GBF1: variants seen among roughly 807,000 people sequenced by gnomAD.
GBF1 encodes the protein golgi brefeldin A resistant guanine nucleotide exchange factor 1.
Under a neutral mutation model 210.5 loss-of-function variants are expected in GBF1, and 114 were observed. That is an observed-to-expected ratio of 0.54 (90% CI 0.47 to 0.63). The LOEUF is 0.63. GBF1 is among the 30% of genes least tolerant of loss of function. GBF1 has a pLI of 0.00. For missense variants in GBF1, 1,851 were observed against 2,357.7 expected (o/e 0.79, Z 4.45); for synonymous variants, 850 against 889.2 (o/e 0.96, Z 0.78).
At chr10:102,348,154 C>G (rs567527034) in intron 4 of GBF1, among the ~76,000 whole-genome samples, 1 of 152,272 alleles carries the variant, frequency 6.6e-6, no homozygotes, top group East Asian at 1.9e-4. Context: ...CCAGGCTGGT[C>G]TCGAACTCCT....
intron 26 of GBF1, 73 bp from the exon 27 acceptor site, chr10:102,370,101 C>G: frequency 6.7e-7 from 1 of 1,502,200 alleles, no homozygotes; most frequent in Non-Finnish European, 9.3e-7. Flanking sequence ...CTGCCCTCTC[C>G]CCCTGGCTCT....
chr10:102,287,339 A>ATTTTTTTT (rs1565062394), intron 3 of GBF1, among the ~76,000 whole-genome samples: 1 of 65,210 alleles, frequency 1.5e-5, no homozygotes, highest in Non-Finnish European at 3.0e-5. Flanking sequence ...CTTTTATTTT[A>ATTTTTTTT]TTTTCTTTTT....
chr10:102,351,116 C>A, intron 4 of GBF1, 140 bp from the exon 5 acceptor site: 1 of 529,574 alleles, frequency 1.9e-6, no homozygotes, highest in South Asian at 2.6e-5. Flanking sequence ...CAGTTGTGGG[C>A]AAAAATTCTC....
chr10:102,336,667 G>A (rs958606523), intron 3 of GBF1, among the ~76,000 whole-genome samples: 1 of 152,226 alleles, frequency 6.6e-6, no homozygotes, highest in East Asian at 1.9e-4. Flanking sequence ...GATTTGAATC[G>A]TCCACGAAAG....
chr10:102,311,554 A>G (rs911598253), intron 3 of GBF1, among the ~76,000 whole-genome samples: 3 of 152,266 alleles, frequency 2.0e-5, no homozygotes, highest in African/African-American at 7.2e-5. Flanking sequence ...AAGCAAGGCC[A>G]GGGTGTCTGA....
At chr10:102,353,716 C>T (rs2059135268) in intron 8 of GBF1, 62 bp downstream of exon 8, 3 of 1,197,450 alleles carry the variant, frequency 2.5e-6, no homozygotes, top group Admixed American at 1.7e-5. Flanking sequence ...ACTTCAGTGC[C>T]TTGGGGTAAC....
At chr10:102,334,920 G>T (rs2057622749) in intron 3 of GBF1, among the ~76,000 whole-genome samples, 2 of 151,894 alleles carry the variant, frequency 1.3e-5, no homozygotes, top group African/African-American at 4.8e-5. Flanking sequence ...AAGACAAGAG[G>T]TGTGGGACAT....
At chr10:102,307,529 G>A (rs538760142) in intron 3 of GBF1, among the ~76,000 whole-genome samples, 96 of 151,908 alleles carry the variant, frequency 6.3e-4, no homozygotes, top group Middle Eastern at 3.4e-3. Flanking sequence ...AGTGGCTCAC[G>A]CCTGTAATCC....
chr10:102,267,690 T>G (rs2074005187), intron 3 of GBF1, among the ~76,000 whole-genome samples: 1 of 152,198 alleles, frequency 6.6e-6, no homozygotes, highest in Non-Finnish European at 1.5e-5. Context: ...TTTGTTCCAC[T>G]TGGAATTGAG....
At chr10:102,285,426 T>C (rs535611137) in intron 3 of GBF1, among the ~76,000 whole-genome samples, 8 of 152,328 alleles carry the variant, frequency 5.3e-5, no homozygotes, top group African/African-American at 1.9e-4. Context: ...CTATATAAAC[T>C]GAATTTGGAT....
At chr10:102,326,949 C>G (rs1261102572) in intron 3 of GBF1, among the ~76,000 whole-genome samples, 1 of 152,094 alleles carries the variant, frequency 6.6e-6, no homozygotes, top group East Asian at 1.9e-4. Flanking sequence ...GCCTGACTAC[C>G]CTTTGCTCAA....
intron 3 of GBF1, among the ~76,000 whole-genome samples, chr10:102,293,500 G>A (rs1254877692): frequency 6.6e-6 from 1 of 151,950 alleles, no homozygotes; most frequent in African/African-American, 2.4e-5. Flanking sequence ...AGGTCTTTCA[G>A]GAGGTATTCC....
chr10:102,382,092 G>C lies in GBF1; in HGVS notation c.5339G>C (p.Ser1780Thr), dbSNP rs551877513. The stretch of plus-strand genomic sequence containing the variant: ...CCCGAGAGCCCCCGAGCCGCCAGCA[G>C]CAGCTCCCCAGGATCACCAGTGGCC... ...EKPESPRAAS[S>T]SSPGSPVASS... Residue 1780 changes from serine to threonine, a missense_variant, in exon 40 of 40, where the codon AGC (serine) becomes ACC (threonine). This residue lies in a region of GBF1 where 967 missense variants were observed against 1,247.7 expected (regional missense o/e 0.78). Transcript: ENST00000369983. The C allele has an allele frequency of 1.8e-5, 29 of 1,571,774 alleles. No individual in the cohort carries two copies. The highest frequency in any genetic ancestry group is 2.4e-5 in the Non-Finnish European group (28 of 1,158,806).
At chr10:102,279,651 C>T (rs578100721) in intron 3 of GBF1, among the ~76,000 whole-genome samples, 6 of 152,048 alleles carry the variant, frequency 3.9e-5, no homozygotes, top group Admixed American at 3.9e-4. Context: ...TCCTTTCATT[C>T]CTTTGAAGCA....
chr10:102,356,504 A>G (rs954842743), intron 8 of GBF1, among the ~76,000 whole-genome samples: 4 of 152,162 alleles, frequency 2.6e-5, no homozygotes, highest in Admixed American at 2.0e-4. Flanking sequence ...AGTGGCTCAC[A>G]CCTGTAATCC....
intron 36 of GBF1, 113 bp downstream of exon 36, chr10:102,380,067 C>A: frequency 2.6e-6 from 2 of 773,576 alleles, no homozygotes; most frequent in Non-Finnish European, 4.5e-6. Flanking sequence ...TCACAACCCC[C>A]CAGCTATGGA....
chr10:102,376,480 G>A, intron 31 of GBF1, 48 bp downstream of exon 31: 1 of 1,611,936 alleles, frequency 6.2e-7, no homozygotes, highest in Non-Finnish European at 8.5e-7. Flanking sequence ...CTTGACCTGT[G>A]GGAAGAATTC....
At chr10:102,325,760 G>A (rs920845913) in intron 3 of GBF1, among the ~76,000 whole-genome samples, 1 of 151,750 alleles carries the variant, frequency 6.6e-6, no homozygotes, top group East Asian at 2.0e-4. Context: ...AGCGATTCTC[G>A]TGCCTCAGCC....
At chr10:102,379,180 C>A in intron 33 of GBF1, 104 bp from the exon 34 acceptor site, 1 of 1,063,998 alleles carries the variant, frequency 9.4e-7, no homozygotes, top group Non-Finnish European at 1.4e-6. Flanking sequence ...ATGATTGGTG[C>A]TAGGGACACC....
Sources: allele counts gnomAD v4.1 joint callset (sites outside exome capture counted in the v4.1 genomes callset), GRCh38; gene constraint gnomAD v4.1.1; regional missense constraint gnomAD v4.1.1; transcripts MANE v1.5; gene names NCBI Gene and HGNC (gene_info 2026-07-23, HGNC 2026-07-21).